RTRAF: variants seen among roughly 807,000 people sequenced by gnomAD.
The protein encoded by RTRAF is tRNA-splicing ligase complex subunit RTRAF.
Under a neutral mutation model 34.4 loss-of-function variants are expected in RTRAF, and 14 were observed. That is an observed-to-expected ratio of 0.41 (90% CI 0.27 to 0.64). The LOEUF (loss-of-function observed/expected upper bound fraction) is 0.64, where lower values mean the gene tolerates loss of function less well. RTRAF is among the 30% of genes least tolerant of loss of function. The probability of loss-of-function intolerance (pLI) is 0.34; values close to 1 mark genes in which losing one functional copy is unlikely to be tolerated. For missense variants in RTRAF, 291 were observed against 288.4 expected (o/e 1.01, Z -0.06); for synonymous variants, 96 against 95.3 (o/e 1.01, Z -0.04).
At chr14:52,003,328 C>A (rs1045854381) in intron 6 of RTRAF, among the ~76,000 whole-genome samples, 1 of 152,124 alleles carries the variant, frequency 6.6e-6, no homozygotes, top group Non-Finnish European at 1.5e-5. Flanking sequence ...CAATTCTGCT[C>A]TTTAATTTTG....
intron 6 of RTRAF, 46 bp from the exon 7 acceptor site, chr14:52,004,148 T>A: frequency 6.6e-7 from 1 of 1,519,374 alleles, no homozygotes; most frequent in Non-Finnish European, 9.1e-7. Flanking sequence ...GAAAGGATGC[T>A]ATTCTTAACC....
intron 5 of RTRAF, among the ~76,000 whole-genome samples, chr14:52,001,391 C>T (rs572283852): frequency 6.6e-6 from 1 of 152,110 alleles, no homozygotes; most frequent in East Asian, 1.9e-4. Flanking sequence ...ATCTGCTACC[C>T]TTTGTGTCAA....
chr14:51,998,897 A>G (rs998202264), intron 4 of RTRAF, among the ~76,000 whole-genome samples: 1 of 151,950 alleles, frequency 6.6e-6, no homozygotes, highest in Admixed American at 6.6e-5. Flanking sequence ...CTATCAGACA[A>G]GTGGTAAAAT....
chr14:51,989,755 G>C, intron 1 of RTRAF, 55 bp downstream of exon 1: 1 of 1,525,512 alleles, frequency 6.6e-7, no homozygotes, highest in East Asian at 2.5e-5. Context: ...GGAGGTCCCA[G>C]CCTCAGTGCC....
At chr14:51,989,993 A>G (rs993787472) in intron 1 of RTRAF, among the ~76,000 whole-genome samples, 1 of 152,058 alleles carries the variant, frequency 6.6e-6, no homozygotes, top group Non-Finnish European at 1.5e-5. Flanking sequence ...CGTCTTTCTC[A>G]CTCACTATTC....
intron 3 of RTRAF, among the ~76,000 whole-genome samples, chr14:51,995,247 T>C (rs1890500156): frequency 1.3e-5 from 2 of 152,006 alleles, no homozygotes; most frequent in Non-Finnish European, 2.9e-5. Context: ...ACTGGGTTCA[T>C]GTCAAGTTGT....
intron 2 of RTRAF, among the ~76,000 whole-genome samples, chr14:51,993,394 A>G (rs1890465958): frequency 6.6e-6 from 1 of 152,086 alleles, no homozygotes. Context: ...CTTTTTAGTT[A>G]ATTGCTCTAT....
rs368830857 is a variant in RTRAF at position 51,991,345 on chromosome 14, T to C, written c.90T>C (p.Val30=). Residue 30 remains valine, a synonymous_variant, in exon 2 of 8, where the codon GTT becomes GTC. Coordinates refer to ENST00000261700, the MANE Select transcript of RTRAF (RefSeq NM_016039.3). ...KDETEFRNFI[V]WLEDQKIRHY... ...AAACAGAATTTAGAAACTTCATCGTTTGGCTTGAAGACCAGAAAATCAGGC... is the reference window on the plus strand; with the variant it reads ...AAACAGAATTTAGAAACTTCATCGTCTGGCTTGAAGACCAGAAAATCAGGC... 1.9e-6 allele frequency: 3 copies of C among 1,613,416 alleles called. No individual in the cohort carries two copies. The highest frequency in any genetic ancestry group is 1.3e-5 in the African/African-American group (1 of 74,916).
intron 2 of RTRAF, among the ~76,000 whole-genome samples, chr14:51,993,069 A>G (rs1890459517): frequency 6.6e-6 from 1 of 152,066 alleles, no homozygotes; most frequent in South Asian, 2.1e-4. Flanking sequence ...GTATATATGT[A>G]CATATACACA....
Position 52,006,988 on chromosome 14 carries a change from C to A in RTRAF, c.*2472C>A. The A allele has an allele frequency of 5.5e-6, 1 of 181,414 alleles. No homozygotes were observed. The highest frequency in any genetic ancestry group is 1.2e-5 in the Non-Finnish European group (1 of 84,846). 11.2% of individuals were successfully genotyped at this position (181,414 alleles called of 1,614,324 possible). On this transcript the variant is annotated 3_prime_UTR_variant, in exon 8 of 8. Transcript: ENST00000261700. ...ATAAATTATAACATCTGGGTAAATA[C>A]TTGCCCTTTGTAAGCTATGTCTATA...
chr14:52,001,747 G>T (rs550346976), intron 5 of RTRAF, 51 bp from the exon 6 acceptor site: 23 of 1,441,236 alleles, frequency 1.6e-5, no homozygotes, highest in Non-Finnish European at 2.0e-5. Context: ...TAGAAGAAAG[G>T]ATGACAGGTA....
chr14:52,001,699 G>T, intron 5 of RTRAF, 99 bp from the exon 6 acceptor site: 6 of 862,146 alleles, frequency 7.0e-6, no homozygotes, highest in South Asian at 1.8e-5. Context: ...AGGTAATTCT[G>T]ACTTCATCAA....
intron 6 of RTRAF, among the ~76,000 whole-genome samples, chr14:52,003,644 A>C (rs1414230048): frequency 6.6e-6 from 1 of 152,114 alleles, no homozygotes; most frequent in Non-Finnish European, 1.5e-5. Context: ...TGAGTGGTTT[A>C]GTTTTTCATT....
At position 52,009,292 on chromosome 14, in the gene RTRAF, T is replaced by G. The variant is rs1890917485; in HGVS notation, c.*4776T>G. On this transcript the variant is annotated 3_prime_UTR_variant, in exon 8 of 8. Transcript: ENST00000261700. The stretch of plus-strand genomic sequence containing the variant: ...TGATCAGTCTCCTCCCCAAAATGAT[T>G]TAATATCATCAACAACAATAAGTCT... 6.6e-6 allele frequency: 1 copy of G among 152,186 alleles called. No homozygotes were observed. Among genetic ancestry groups the G allele is most frequent in the Non-Finnish European group, 1.5e-5 (1 of 68,044 alleles). 9.4% of individuals were successfully genotyped at this position (152,186 alleles called of 1,614,324 possible).
At chr14:51,997,668 C>A (rs947573675) in intron 3 of RTRAF, among the ~76,000 whole-genome samples, 11 of 151,706 alleles carry the variant, frequency 7.3e-5, no homozygotes, top group East Asian at 1.9e-4. Context: ...TTCTGAATTT[C>A]AAGTTTCCAT....
intron 3 of RTRAF, among the ~76,000 whole-genome samples, chr14:51,995,957 A>G (rs995735251): frequency 6.6e-6 from 1 of 152,140 alleles, no homozygotes; most frequent in African/African-American, 2.4e-5. Flanking sequence ...GCCAATTTGT[A>G]GCTTATCAAA....
intron 6 of RTRAF, 42 bp from the exon 7 acceptor site, chr14:52,004,152 C>G (rs758630282): frequency 1.3e-6 from 2 of 1,547,794 alleles, no homozygotes; most frequent in South Asian, 1.1e-5. Flanking sequence ...GGATGCTATT[C>G]TTAACCATAA....
At chr14:52,003,134 G>A (rs1229941538) in intron 6 of RTRAF, among the ~76,000 whole-genome samples, 1 of 152,070 alleles carries the variant, frequency 6.6e-6, no homozygotes, top group Non-Finnish European at 1.5e-5. Context: ...TAATTTTGGT[G>A]TCATCTCAAA....
intron 3 of RTRAF, chr14:51,998,091 A>G (rs567045660): frequency 6.5e-6 from 1 of 154,838 alleles, no homozygotes; most frequent in East Asian, 1.9e-4. Context: ...CCCTAATCCG[A>G]GAATCTGAAA....
Sources: gnomAD v4.1 joint callset for allele counts (sites outside exome capture counted in the v4.1 genomes callset) on GRCh38, gnomAD v4.1.1 for gene constraint, MANE v1.5 for transcripts, NCBI Gene and HGNC (gene_info 2026-07-23, HGNC 2026-07-21) for gene names.